Variants in DAAM1 observed in about 807,000 individuals in gnomAD.
DAAM1 encodes the protein dishevelled associated activator of morphogenesis 1.
Under a neutral mutation model 130.0 loss-of-function variants are expected in DAAM1, and 52 were observed. The observed-to-expected ratio is 0.40, with a 90% CI of 0.32 to 0.50. DAAM1 has a LOEUF of 0.50. DAAM1 is among the 20% of genes least tolerant of loss of function. The pLI, the probability that DAAM1 is intolerant of heterozygous loss-of-function variation, is 0.61. For missense variants in DAAM1, 1,134 were observed against 1,303.8 expected (o/e 0.87, Z 2.01); for synonymous variants, 452 against 444.5 (o/e 1.02, Z -0.21).
At chr14:59,321,888 A>C (rs1229865392) in intron 5 of DAAM1, among the ~76,000 whole-genome samples, 1 of 152,196 alleles carries the variant, frequency 6.6e-6, no homozygotes, top group Non-Finnish European at 1.5e-5. Context: ...TTTATCACAT[A>C]AACAGGTTAT....
intron 1 of DAAM1, among the ~76,000 whole-genome samples, chr14:59,206,309 T>C (rs758769672): frequency 6.6e-6 from 1 of 152,198 alleles, no homozygotes; most frequent in Admixed American, 6.5e-5. Flanking sequence ...GGAGTCTTGC[T>C]CTGTCGCCCA....
At chr14:59,263,263 G>A (rs1037596326) in intron 1 of DAAM1, among the ~76,000 whole-genome samples, 178 bp from the exon 2 acceptor site, 20 of 152,210 alleles carry the variant, frequency 1.3e-4, no homozygotes, top group Admixed American at 1.1e-3. Context: ...ATGAATAGAA[G>A]GGTGTGTGTT....
intron 1 of DAAM1, among the ~76,000 whole-genome samples, chr14:59,211,224 A>T (rs2139411102): frequency 6.6e-6 from 1 of 152,352 alleles, no homozygotes; most frequent in East Asian, 1.9e-4. Context: ...TCCCAGTAAC[A>T]GAATATAATG....
At chr14:59,217,906 G>A (rs939882983) in intron 1 of DAAM1, among the ~76,000 whole-genome samples, 1 of 151,750 alleles carries the variant, frequency 6.6e-6, no homozygotes, top group African/African-American at 2.4e-5. Context: ...AAAATCACTT[G>A]AACCCAGGAG....
At chr14:59,352,701 A>G in intron 18 of DAAM1, 69 bp downstream of exon 18, 2 of 1,404,472 alleles carry the variant, frequency 1.4e-6, no homozygotes, top group African/African-American at 1.4e-5. Context: ...TTTTCAATTC[A>G]TGTTGAATTG....
At position 59,275,132 on chromosome 14, in the gene DAAM1, ATGGT is replaced by A. The variant is rs1882907252; in HGVS notation, c.183+11479_183+11482del. Reference sequence around the variant, plus strand: ...GTGGCCATGTGTGGAACTTGGCTTCATGGTTGGTTGCCCACAGGGACTTAGGGTA... The same window carrying A: ...GTGGCCATGTGTGGAACTTGGCTTCATGGTTGCCCACAGGGACTTAGGGTA... On this transcript the variant is annotated intron_variant, in intron 2 of 24. Coordinates refer to ENST00000360909, the MANE Select transcript of DAAM1 (RefSeq NM_001270520.2). 1.3e-5 allele frequency among the ~76,000 whole-genome samples: 2 copies of A among 152,198 alleles called. 1 individual carries two copies. The highest frequency in any genetic ancestry group is 2.9e-5 in the Non-Finnish European group (2 of 68,032).
intron 15 of DAAM1, among the ~76,000 whole-genome samples, chr14:59,333,836 G>A (rs546208525): frequency 6.6e-6 from 1 of 152,346 alleles, no homozygotes; most frequent in East Asian, 1.9e-4. Flanking sequence ...GGTGCAGAAG[G>A]ATACTGCCAA....
intron 2 of DAAM1, among the ~76,000 whole-genome samples, chr14:59,285,897 TA>T (rs1883429186): frequency 6.6e-6 from 1 of 152,096 alleles, no homozygotes; most frequent in Non-Finnish European, 1.5e-5. Context: ...ATTCTAGACT[TA>T]AACTCAGTGC....
At chr14:59,290,522 A>G (rs1272638427) in intron 2 of DAAM1, among the ~76,000 whole-genome samples, 1 of 152,254 alleles carries the variant, frequency 6.6e-6, no homozygotes, top group Non-Finnish European at 1.5e-5. Flanking sequence ...ACATGCCTGC[A>G]CATAATGTAC....
At chr14:59,256,047 C>T (rs1280331467) in intron 1 of DAAM1, among the ~76,000 whole-genome samples, 1 of 151,922 alleles carries the variant, frequency 6.6e-6, no homozygotes, top group Non-Finnish European at 1.5e-5. Context: ...TTGGATTCCT[C>T]AGTCTGGACA....
intron 1 of DAAM1, among the ~76,000 whole-genome samples, chr14:59,208,103 T>C (rs771960549): frequency 6.6e-6 from 1 of 152,214 alleles, no homozygotes; most frequent in Non-Finnish European, 1.5e-5. Flanking sequence ...TTAAATGTTG[T>C]CATAAGCATT....
intron 22 of DAAM1, among the ~76,000 whole-genome samples, chr14:59,361,299 T>C (rs1479095700): frequency 6.6e-6 from 1 of 152,166 alleles, no homozygotes; most frequent in Non-Finnish European, 1.5e-5. Flanking sequence ...GCAGACAGTG[T>C]AGTACATGCT....
intron 1 of DAAM1, among the ~76,000 whole-genome samples, chr14:59,222,868 A>G (rs1020166727): frequency 2.0e-5 from 3 of 152,226 alleles, no homozygotes; most frequent in Non-Finnish European, 4.4e-5. Flanking sequence ...AATTGGGTAT[A>G]TAATTGCATG....
At position 59,202,308 on chromosome 14, in the gene DAAM1, G is replaced by A. The variant is rs138551028; in HGVS notation, c.-38+13540G>A. On this transcript the variant is annotated intron_variant, in intron 1 of 24. Transcript: ENST00000360909. ...CATCTCATGGAGGACCTTGTCTTTG[G>A]CCCAGAGTTACAGTGACCCAAGGGG... Among the ~76,000 whole-genome samples the A allele has an allele frequency of 5.3e-4, 80 of 152,224 alleles. No homozygotes were observed. The East Asian group carries it at 0.014, about 27-fold the overall frequency.
intron 2 of DAAM1, among the ~76,000 whole-genome samples, chr14:59,273,170 A>G (rs1344878354): frequency 6.6e-6 from 1 of 152,226 alleles, no homozygotes; most frequent in Non-Finnish European, 1.5e-5. Context: ...TTCATTAAAC[A>G]CATCCAATAA....
intron 1 of DAAM1, among the ~76,000 whole-genome samples, chr14:59,254,625 C>T (rs1040258965): frequency 6.6e-6 from 1 of 152,140 alleles, no homozygotes; most frequent in Non-Finnish European, 1.5e-5. Flanking sequence ...TCGGGTGCTC[C>T]AAGGACACTT....
At chr14:59,324,583 T>C in intron 8 of DAAM1, 129 bp downstream of exon 8, 2 of 442,978 alleles carry the variant, frequency 4.5e-6, no homozygotes, top group Non-Finnish European at 7.6e-6. Flanking sequence ...ATCAGAATGT[T>C]AGTTCAGCTA....
chr14:59,343,643 T>C (rs919865127), intron 16 of DAAM1, among the ~76,000 whole-genome samples: 2 of 152,224 alleles, frequency 1.3e-5, no homozygotes, highest in African/African-American at 4.8e-5. Flanking sequence ...GATTATACCT[T>C]AAAGGTCTTC....
At chr14:59,340,332 C>T in intron 16 of DAAM1, 152 bp downstream of exon 16, 1 of 663,272 alleles carries the variant, frequency 1.5e-6, no homozygotes. Context: ...GCTCTTGGTG[C>T]TTACTTTCCC....
Sources: allele counts gnomAD v4.1 joint callset (sites outside exome capture counted in the v4.1 genomes callset), GRCh38; gene constraint gnomAD v4.1.1; transcripts MANE v1.5; gene names NCBI Gene and HGNC (gene_info 2026-07-23, HGNC 2026-07-21).